The following SUCLG2 variants were observed in gnomAD, a reference collection of about 807,000 sequenced individuals.
The protein encoded by SUCLG2 is succinate--CoA ligase [GDP-forming] subunit beta, mitochondrial.
In SUCLG2, 42 loss-of-function variants were observed where a neutral mutation model predicts 47.9. The ratio of observed to expected loss-of-function variants is 0.88; its 90% CI spans 0.69 to 1.14. The LOEUF is 1.14. Ranked by LOEUF, SUCLG2 falls within the 50% of genes most tolerant of loss-of-function variation. The pLI is 0.00. For synonymous variants in SUCLG2, 195 were observed against 197.3 expected (o/e 0.99, Z 0.10); for missense variants, 571 against 525.9 (o/e 1.09, Z -0.84).
chr3:67,647,988 T>C (rs964414315), intron 1 of SUCLG2, among the ~76,000 whole-genome samples: 2 of 152,226 alleles, frequency 1.3e-5, no homozygotes, highest in Non-Finnish European at 2.9e-5. Flanking sequence ...TCTAGCTCAA[T>C]AAAGCCTTTT....
chr3:67,534,722 T>C (rs562156504), intron 2 of SUCLG2, among the ~76,000 whole-genome samples: 17 of 129,116 alleles, frequency 1.3e-4, no homozygotes, highest in African/African-American at 4.8e-4. Context: ...TTAAAAGATA[T>C]ATTTCTACAA....
chr3:67,375,843 C>G lies in SUCLG2; in HGVS notation c.1200G>C (p.Glu400Asp), dbSNP rs1203131589. The G allele has an allele frequency of 6.2e-7, 1 of 1,613,546 alleles. No individual in the cohort carries two copies. Among genetic ancestry groups the G allele is most frequent in the East Asian group, 2.2e-5 (1 of 44,872 alleles). The part of the protein sequence containing the change: ...VVRLEGTNVQ[E>D]AQKILNNSGL... ...CGCTGTTGTTGAGTATCTTCTGGGC[C>G]TCTTGGACGTTGGTTCCTAGAAGGG... Residue 400 changes from glutamate to aspartate, a missense_variant, in exon 11 of 11, where the codon GAG becomes GAC. Physicochemically the swap from Glu to Asp is conservative, Grantham distance 45. Coordinates refer to ENST00000307227, the MANE Select transcript of SUCLG2 (RefSeq NM_003848.4).
intron 1 of SUCLG2, among the ~76,000 whole-genome samples, chr3:67,626,286 C>G (rs2107343861): frequency 6.6e-6 from 1 of 152,090 alleles, no homozygotes; most frequent in South Asian, 2.1e-4. Context: ...GCCACTGCAC[C>G]CGGCCACTAG....
At chr3:67,444,002 G>T (rs1172815672) in intron 9 of SUCLG2, among the ~76,000 whole-genome samples, 6 of 123,722 alleles carry the variant, frequency 4.8e-5, no homozygotes, top group East Asian at 3.1e-4. Flanking sequence ...CCCCATCCGG[G>T]AGGGAGGTGG....
intron 9 of SUCLG2, among the ~76,000 whole-genome samples, chr3:67,457,885 G>A (rs1446872753): frequency 2.6e-5 from 4 of 151,986 alleles, no homozygotes; most frequent in Non-Finnish European, 5.9e-5. Flanking sequence ...CCCTTGCATA[G>A]TCCCTTCCCT....
At chr3:67,477,844 T>C (rs571936575) in intron 9 of SUCLG2, among the ~76,000 whole-genome samples, 31 of 152,316 alleles carry the variant, frequency 2.0e-4, no homozygotes, top group African/African-American at 6.7e-4. Context: ...TGAATACTTA[T>C]TTTGTGGAAT....
chr3:67,520,865 C>T (rs1485651869), intron 4 of SUCLG2, among the ~76,000 whole-genome samples: 2 of 152,124 alleles, frequency 1.3e-5, no homozygotes, highest in Admixed American at 6.5e-5. Context: ...ATTTCGTTTG[C>T]CTCAAGGAAC....
chr3:67,651,967 T>G (rs1369768186), intron 1 of SUCLG2, among the ~76,000 whole-genome samples: 1 of 152,022 alleles, frequency 6.6e-6, no homozygotes, highest in African/African-American at 2.4e-5. Flanking sequence ...CCACCTCCAT[T>G]AAAATAAAGT....
intron 10 of SUCLG2, among the ~76,000 whole-genome samples, chr3:67,387,306 A>C (rs573327969): frequency 6.6e-6 from 1 of 152,338 alleles, no homozygotes; most frequent in Admixed American, 6.5e-5. Flanking sequence ...ATTTCTGATT[A>C]AAATGTTGAT....
chr3:67,566,204 T>C (rs1707450450), intron 2 of SUCLG2, among the ~76,000 whole-genome samples: 1 of 152,348 alleles, frequency 6.6e-6, no homozygotes, highest in Admixed American at 6.5e-5. Context: ...TAGTCTGTCT[T>C]TGACCTCACA....
intron 1 of SUCLG2, among the ~76,000 whole-genome samples, chr3:67,634,408 T>A (rs747880592): frequency 2.4e-4 from 37 of 152,250 alleles, no homozygotes; most frequent in East Asian, 3.9e-4. Context: ...TATTAAAATT[T>A]AAAAAAAATT....
intron 9 of SUCLG2, among the ~76,000 whole-genome samples, chr3:67,429,562 T>G (rs1415017097): frequency 1.3e-5 from 2 of 152,124 alleles, no homozygotes; most frequent in Non-Finnish European, 2.9e-5. Flanking sequence ...AATAATCAGC[T>G]AACATCAAAA....
chr3:67,623,226 C>T (rs115646892), intron 1 of SUCLG2, among the ~76,000 whole-genome samples: 8,712 of 152,178 alleles, frequency 0.057, 342 homozygotes, highest in African/African-American at 0.11. Flanking sequence ...TGCGGCTGGG[C>T]GTGGTGGCTC....
At chr3:67,515,409 G>C (rs186940767) in intron 6 of SUCLG2, among the ~76,000 whole-genome samples, 1 of 152,296 alleles carries the variant, frequency 6.6e-6, no homozygotes, top group Admixed American at 6.5e-5. Context: ...CTCACAGAAA[G>C]AGACTTTGGT....
Position 67,598,978 on chromosome 3 carries a change from G to C in SUCLG2, c.226+10477C>G, listed in dbSNP as rs372078551. 7.9e-5 allele frequency among the ~76,000 whole-genome samples: 12 copies of C among 152,154 alleles called. No homozygotes were observed. In the East Asian group the frequency reaches 1.2e-3, roughly 15 times the overall value. On this transcript the variant is annotated intron_variant, in intron 2 of 10. Coordinates refer to ENST00000307227, the MANE Select transcript of SUCLG2 (RefSeq NM_003848.4). ...GCCTTCTCAAAGACATCACTGAAGA[G>C]GTGATAAGATGAGCCACAAAAACTG...
chr3:67,543,253 G>A (rs1706764681), intron 2 of SUCLG2, among the ~76,000 whole-genome samples: 1 of 152,214 alleles, frequency 6.6e-6, no homozygotes, highest in South Asian at 2.1e-4. Flanking sequence ...GTAAATGTCA[G>A]AAAATGCCCA....
At chr3:67,400,515 A>T (rs1702658225) in intron 10 of SUCLG2, among the ~76,000 whole-genome samples, 1 of 152,196 alleles carries the variant, frequency 6.6e-6, no homozygotes, top group Non-Finnish European at 1.5e-5. Context: ...TAATTTTTCA[A>T]AATCTGGAGA....
chr3:67,591,980 G>A (rs1041426012), intron 2 of SUCLG2, among the ~76,000 whole-genome samples: 9 of 152,142 alleles, frequency 5.9e-5, no homozygotes, highest in African/African-American at 2.2e-4. Context: ...TAATAAAGGA[G>A]TTAACATTTA....
chr3:67,400,206 ATTT>A (rs1230590452), intron 10 of SUCLG2, among the ~76,000 whole-genome samples: 9 of 151,934 alleles, frequency 5.9e-5, no homozygotes, highest in African/African-American at 2.2e-4. Flanking sequence ...CTTACTAAAA[ATTT>A]TTTAAAATAT....
Sources: gnomAD v4.1 joint callset for allele counts (sites outside exome capture counted in the v4.1 genomes callset) on GRCh38, gnomAD v4.1.1 for gene constraint, MANE v1.5 for transcripts, NCBI Gene and HGNC (gene_info 2026-07-23, HGNC 2026-07-21) for gene names.